PSMD14: variants seen among roughly 807,000 people sequenced by gnomAD.
The protein encoded by PSMD14 is proteasome 26S subunit, non-ATPase 14, also known as ubiquitin C-terminal hydrolase PSMD14.
Under a neutral mutation model 41.2 loss-of-function variants are expected in PSMD14, and 7 were observed. That is an observed-to-expected ratio of 0.17 (90% CI 0.10 to 0.32). PSMD14 has a LOEUF of 0.32. Among genes scored for constraint, PSMD14 ranks in the 10% least tolerant of loss-of-function variants. The pLI is 1.00. For missense variants in PSMD14, 139 were observed against 375.6 expected (o/e 0.37, Z 5.21); for synonymous variants, 114 against 122.3 (o/e 0.93, Z 0.45).
At chr2:161,318,993 A>T in intron 3 of PSMD14, 120 bp downstream of exon 3, 3 of 654,640 alleles carry the variant, frequency 4.6e-6, no homozygotes, top group Non-Finnish European at 7.6e-6. Flanking sequence ...TATGGTAAGA[A>T]TCTTACCTTA....
intron 3 of PSMD14, among the ~76,000 whole-genome samples, chr2:161,357,607 T>G (rs1211197570): frequency 6.6e-6 from 1 of 152,204 alleles, no homozygotes; most frequent in African/African-American, 2.4e-5. Context: ...TTCATATTTT[T>G]TACAGAAGTA....
At chr2:161,313,493 G>C (rs1689115631) in intron 1 of PSMD14, among the ~76,000 whole-genome samples, 1 of 152,128 alleles carries the variant, frequency 6.6e-6, no homozygotes, top group African/African-American at 2.4e-5. Flanking sequence ...GGGATTACAG[G>C]CGTATGCCAC....
chr2:161,376,157 TAAAG>T (rs757648986), intron 7 of PSMD14, among the ~76,000 whole-genome samples: 97 of 150,516 alleles, frequency 6.4e-4, no homozygotes, highest in Admixed American at 1.1e-3. Flanking sequence ...CATAGAGTAA[TAAAG>T]AACACAGACT....
chr2:161,372,428 T>G (rs1683448291), intron 7 of PSMD14, among the ~76,000 whole-genome samples: 1 of 151,984 alleles, frequency 6.6e-6, no homozygotes, highest in Admixed American at 6.6e-5. Context: ...TGTCATAAAT[T>G]TGAAGTTGAA....
rs1480924915 is a variant in PSMD14, at chr2:161,371,199, C to T, written c.339C>T (p.His113=). Reference sequence around the variant, plus strand: ...CGGAGATGGTTGTTGGTTGGTATCACAGTCACCCTGGCTTTGGTTGTTGGC... The same window carrying T: ...CGGAGATGGTTGTTGGTTGGTATCATAGTCACCCTGGCTTTGGTTGTTGGC... ...GRPEMVVGWY[H]SHPGFGCWLS... Residue 113 remains histidine (H), a synonymous_variant, in exon 7 of 12, where the codon CAC becomes CAT. Transcript: ENST00000409682. 2 of 1,612,788 alleles carry T rather than the reference C, an allele frequency of 1.2e-6. No homozygotes were observed. Among genetic ancestry groups the T allele is most frequent in the Admixed American group, 1.7e-5 (1 of 59,840 alleles).
At chr2:161,387,233 G>A (rs1204201425) in intron 8 of PSMD14, among the ~76,000 whole-genome samples, 1 of 151,726 alleles carries the variant, frequency 6.6e-6, no homozygotes, top group African/African-American at 2.4e-5. Context: ...ACAGAACAAA[G>A]CCACACCTTA....
chr2:161,341,774 G>T (rs1444797498), intron 3 of PSMD14, among the ~76,000 whole-genome samples: 1 of 150,216 alleles, frequency 6.7e-6, no homozygotes, highest in African/African-American at 2.5e-5. Context: ...GGGAGGCAAA[G>T]GTTGCAGTGA....
chr2:161,351,199 A>G (rs1683114060), intron 3 of PSMD14, among the ~76,000 whole-genome samples: 1 of 152,220 alleles, frequency 6.6e-6, no homozygotes, highest in South Asian at 2.1e-4. Context: ...CCTTTTTGGC[A>G]TGATCAGGAT....
At chr2:161,362,376 C>T (rs1006870416) in intron 3 of PSMD14, among the ~76,000 whole-genome samples, 2 of 152,234 alleles carry the variant, frequency 1.3e-5, no homozygotes, top group Non-Finnish European at 2.9e-5. Flanking sequence ...ATGGTGGATT[C>T]GGATCCTGAT....
chr2:161,387,877 A>G (rs1345311942), intron 8 of PSMD14, among the ~76,000 whole-genome samples: 1 of 152,002 alleles, frequency 6.6e-6, no homozygotes, highest in Non-Finnish European at 1.5e-5. Flanking sequence ...TTTCACGTTC[A>G]TGTTTTATAT....
intron 11 of PSMD14, among the ~76,000 whole-genome samples, chr2:161,411,005 C>G (rs1305316836): frequency 6.6e-6 from 1 of 151,972 alleles, no homozygotes. Flanking sequence ...TTTAAAAAAT[C>G]AGATGATTGT....
At chr2:161,311,756 AGGT>A (rs1689090133) in intron 1 of PSMD14, among the ~76,000 whole-genome samples, 1 of 149,998 alleles carries the variant, frequency 6.7e-6, no homozygotes, top group African/African-American at 2.5e-5. Context: ...CTGGGATTAC[AGGT>A]GCCTGCCATC....
At chr2:161,370,229 A>G (rs1162820500) in intron 6 of PSMD14, 52 bp downstream of exon 6, 1 of 1,304,854 alleles carries the variant, frequency 7.7e-7, no homozygotes, top group Non-Finnish European at 1.1e-6. Flanking sequence ...ATTTATAGAA[A>G]CATACCTCAA....
chr2:161,333,408 G>C (rs1440268599), intron 3 of PSMD14, among the ~76,000 whole-genome samples: 2 of 152,162 alleles, frequency 1.3e-5, no homozygotes, highest in Non-Finnish European at 2.9e-5. Flanking sequence ...TCAAATTCAT[G>C]GCCCATGTCA....
At chr2:161,325,567 TATATCACC>T (rs1300292599) in intron 3 of PSMD14, among the ~76,000 whole-genome samples, 26 of 152,320 alleles carry the variant, frequency 1.7e-4, no homozygotes, top group African/African-American at 5.8e-4. Flanking sequence ...ATGAGGACTC[TATATCACC>T]ACATGCCAAT....
chr2:161,367,005 A>C (rs1683368234), intron 3 of PSMD14, among the ~76,000 whole-genome samples: 1 of 152,194 alleles, frequency 6.6e-6, no homozygotes, highest in Non-Finnish European at 1.5e-5. Flanking sequence ...GATGTTGTTC[A>C]CAGCTCTTTC....
intron 2 of PSMD14, among the ~76,000 whole-genome samples, chr2:161,317,316 A>G (rs1689158039): frequency 6.6e-6 from 1 of 152,160 alleles, no homozygotes; most frequent in Non-Finnish European, 1.5e-5. Flanking sequence ...TTTTCATTTT[A>G]AAAAAGGAAT....
intron 1 of PSMD14, among the ~76,000 whole-genome samples, chr2:161,311,276 T>C (rs962417671): frequency 4.6e-5 from 7 of 151,916 alleles, no homozygotes; most frequent in African/African-American, 1.7e-4. Context: ...GACACTACAC[T>C]CCAGCCTGGG....
chr2:161,318,765 C>T (rs1219732949), intron 2 of PSMD14, 57 bp from the exon 3 acceptor site: 1 of 1,337,574 alleles, frequency 7.5e-7, no homozygotes, highest in Non-Finnish European at 1.1e-6. Context: ...ATATAGATAG[C>T]AATTGAATAA....
Sources: gnomAD v4.1 joint callset for allele counts (sites outside exome capture counted in the v4.1 genomes callset) on GRCh38, gnomAD v4.1.1 for gene constraint, MANE v1.5 for transcripts, NCBI Gene and HGNC (gene_info 2026-07-23, HGNC 2026-07-21) for gene names.